ST3GAL4: variants seen among roughly 807,000 people sequenced by gnomAD.
The protein encoded by ST3GAL4 is CMP-N-acetylneuraminate-beta-galactosamide-alpha-2,3-sialyltransferase 4.
ST3GAL4 carries 24 observed loss-of-function variants against 42.6 expected under a neutral mutation model. The ratio of observed to expected loss-of-function variants is 0.56; its 90% CI spans 0.41 to 0.79. The LOEUF (loss-of-function observed/expected upper bound fraction) is 0.79. Ranked by LOEUF, ST3GAL4 falls within the 30% of genes least tolerant of loss-of-function variation. The probability of loss-of-function intolerance (pLI) is 0.00; values close to 1 mark genes in which losing one functional copy is unlikely to be tolerated. For synonymous variants in ST3GAL4, 135 were observed against 163.2 expected (o/e 0.83, Z 1.32); for missense variants, 311 against 430.8 (o/e 0.72, Z 2.46).
intron 1 of ST3GAL4, among the ~76,000 whole-genome samples, chr11:126,404,675 C>G (rs1334466199): frequency 6.6e-6 from 1 of 152,222 alleles, no homozygotes; most frequent in African/African-American, 2.4e-5. Context: ...TGATTACAAA[C>G]TGATCACTTT....
At chr11:126,375,660 C>T (rs1263024567) in intron 1 of ST3GAL4, among the ~76,000 whole-genome samples, 4 of 152,066 alleles carry the variant, frequency 2.6e-5, no homozygotes, top group South Asian at 2.1e-4. Context: ...CCCTTAGAAG[C>T]ATCTAGCACA....
At position 126,378,671 on chromosome 11, in the gene ST3GAL4, G is replaced by C. The variant is rs1168646695; in HGVS notation, c.-61+22829G>C. On this transcript the variant is annotated intron_variant, in intron 1 of 10. Transcript: ENST00000444328. This position sits in a 1 kb window ranked among gnomAD's most constrained non-coding sequence, Gnocchi z 5.3. ...ATCCACCCTCCTCGGCCCCCCAAAG[G>C]GATGACTGGTTTTCTTTCCAAATAT... Among the ~76,000 whole-genome samples, 1 of 152,068 alleles carries C rather than the reference G, an allele frequency of 6.6e-6. No homozygotes were observed. Among genetic ancestry groups the C allele is most frequent in the African/African-American group, 2.4e-5 (1 of 41,396 alleles).
In ST3GAL4 at chr11:126,414,153, C is replaced by A; in HGVS notation, c.*106C>A. On this transcript the variant is annotated 3_prime_UTR_variant, in exon 11 of 11. Coordinates refer to ENST00000444328, the MANE Select transcript of ST3GAL4 (RefSeq NM_001254757.2). The stretch of plus-strand genomic sequence containing the variant: ...GCCAGTATGACCCACTTGGACTCAC[C>A]CCCTCTTGGGGAGGGAGTTCTGGGC... The A allele has an allele frequency of 9.0e-7, 1 of 1,108,698 alleles. No individual in the cohort carries two copies. The allele number at this position is 1,108,698 out of a possible 1,614,324, so 68.7% of individuals were successfully genotyped here. A position where few individuals can be genotyped will look rare whatever the true frequency, so the allele number is the denominator to read the frequency against.
rs1162996532 is a variant in ST3GAL4 at position 126,383,025 on chromosome 11, C to T, written c.-60-23071C>T. On this transcript the variant is annotated intron_variant, in intron 1 of 10. Coordinates refer to ENST00000444328, the MANE Select transcript of ST3GAL4 (RefSeq NM_001254757.2). This position sits in a 1 kb window ranked among gnomAD's most constrained non-coding sequence, Gnocchi z 4.5. ...CAGGTGCAGAGAGGCTGAGACAGGC[C>T]CAGAGGACAGTGAGTGTGTGTTGTG... 6.6e-6 allele frequency among the ~76,000 whole-genome samples: 1 copy of T among 152,162 alleles called. No individual in the cohort carries two copies. The highest frequency in any genetic ancestry group is 1.5e-5 in the Non-Finnish European group (1 of 68,012).
chr11:126,370,745 C>T (rs968927796), intron 1 of ST3GAL4, among the ~76,000 whole-genome samples: 11 of 151,534 alleles, frequency 7.3e-5, no homozygotes, highest in South Asian at 4.2e-4. Flanking sequence ...GGCACGATCT[C>T]GGCTCACTGC....
chr11:126,402,917 C>T (rs10790801), intron 1 of ST3GAL4, among the ~76,000 whole-genome samples: 79,605 of 152,106 alleles, frequency 0.52, 21,464 homozygotes, highest in East Asian at 0.89. Context: ...CCCAGCAGGT[C>T]GGGTGAGCTG....
chr11:126,402,091 A>AGGGGGGGGGG (rs146212978), intron 1 of ST3GAL4, among the ~76,000 whole-genome samples: 3 of 131,660 alleles, frequency 2.3e-5, no homozygotes, highest in Admixed American at 8.0e-5. Context: ...ATTTGGGGGA[A>AGGGGGGGGGG]AGAGGGGAGG....
At position 126,414,100 on chromosome 11, in the gene ST3GAL4, C is replaced by CCCACAG; in HGVS notation, c.*56_*57insCAGCCA. On this transcript the variant is annotated 3_prime_UTR_variant, in exon 11 of 11. Transcript: ENST00000444328. ...TGCCTACTCTGCTGTCTGGGTGACCCCCATGCGTGGCTGTGGGGGTGGCTG... is the reference window on the plus strand; with the variant it reads ...TGCCTACTCTGCTGTCTGGGTGACCCCCACAGCCATGCGTGGCTGTGGGGGTGGCTG... The CCCACAG allele has an allele frequency of 6.3e-7, 1 of 1,582,244 alleles. No homozygotes were observed. The highest frequency in any genetic ancestry group is 8.7e-7 in the Non-Finnish European group (1 of 1,151,138).
chr11:126,414,156 C>T lies in ST3GAL4; in HGVS notation c.*109C>T, dbSNP rs201983960. 1.9e-6 allele frequency: 2 copies of T among 1,080,012 alleles called. No homozygotes were observed. The highest frequency in any genetic ancestry group is 1.8e-5 in the Admixed American group (1 of 54,394). 66.9% of individuals were successfully genotyped at this position (1,080,012 alleles called of 1,614,324 possible). On this transcript the variant is annotated 3_prime_UTR_variant, in exon 11 of 11. Coordinates refer to ENST00000444328, the MANE Select transcript of ST3GAL4 (RefSeq NM_001254757.2). ...AGTATGACCCACTTGGACTCACCCCCTCTTGGGGAGGGAGTTCTGGGCCTG... is the reference window on the plus strand; with the variant it reads ...AGTATGACCCACTTGGACTCACCCCTTCTTGGGGAGGGAGTTCTGGGCCTG...
chr11:126,389,333 A>AT (rs1448757263), intron 1 of ST3GAL4, among the ~76,000 whole-genome samples: 4 of 152,224 alleles, frequency 2.6e-5, no homozygotes, highest in South Asian at 2.1e-4. Flanking sequence ...ATGACGTTAG[A>AT]TTTTTTTCCT....
chr11:126,390,065 C>T (rs1348184168), intron 1 of ST3GAL4, among the ~76,000 whole-genome samples: 2 of 147,484 alleles, frequency 1.4e-5, no homozygotes, highest in Admixed American at 6.8e-5. Flanking sequence ...CGCCTGTAGT[C>T]CCAGCTACTT....
chr11:126,393,711 C>T lies in ST3GAL4; in HGVS notation c.-60-12385C>T, dbSNP rs1215026627. Among the ~76,000 whole-genome samples, 1 of 152,150 alleles carries T rather than the reference C, an allele frequency of 6.6e-6. No individual in the cohort carries two copies. The highest frequency in any genetic ancestry group is 1.5e-5 in the Non-Finnish European group (1 of 68,032). On this transcript the variant is annotated intron_variant, in intron 1 of 10. Transcript: ENST00000444328. This position sits in a 1 kb window ranked among gnomAD's most constrained non-coding sequence, Gnocchi z 5.9. The stretch of plus-strand genomic sequence containing the variant: ...TCAGGTCATAGGAAGTGTGAGCTAG[C>T]AGGAATCCTGGAGATTTTCTAGCCC...
At chr11:126,357,525 G>A (rs765849158) in intron 1 of ST3GAL4, among the ~76,000 whole-genome samples, 4 of 152,158 alleles carry the variant, frequency 2.6e-5, no homozygotes, top group Admixed American at 6.5e-5. Context: ...CCTTCCCTAC[G>A]GGAAGCAGTG....
At chr11:126,371,873 A>G (rs1449903669) in intron 1 of ST3GAL4, among the ~76,000 whole-genome samples, 1 of 152,240 alleles carries the variant, frequency 6.6e-6, no homozygotes, top group Non-Finnish European at 1.5e-5. Context: ...CTTTGTATCA[A>G]CTGGTACTCC....
rs917888450 is a variant in ST3GAL4, at chr11:126,414,461, G to A, written c.*414G>A. On this transcript the variant is annotated 3_prime_UTR_variant, in exon 11 of 11. Coordinates refer to ENST00000444328, the MANE Select transcript of ST3GAL4 (RefSeq NM_001254757.2). ...GATGGCCCCACCAAGGCCTAGACACGGCACTGGCCTCCCAGGAGGGCAGGG... is the reference window on the plus strand; with the variant it reads ...GATGGCCCCACCAAGGCCTAGACACAGCACTGGCCTCCCAGGAGGGCAGGG... The A allele has an allele frequency of 1.5e-5, 3 of 197,764 alleles. No individual in the cohort carries two copies. The East Asian group carries it at 3.8e-4, about 25-fold the overall frequency. 12.3% of individuals were successfully genotyped at this position (197,764 alleles called of 1,614,324 possible). A position where few individuals can be genotyped will look rare whatever the true frequency, so the allele number is the denominator to read the frequency against.
At chr11:126,402,096 G>GGGGGGC (rs1329112978) in intron 1 of ST3GAL4, among the ~76,000 whole-genome samples, 2 of 149,012 alleles carry the variant, frequency 1.3e-5, no homozygotes, top group African/African-American at 4.9e-5. Flanking sequence ...GGGGAAAGAG[G>GGGGGGC]GGAGGTAGGA....
chr11:126,414,115 G>T lies in ST3GAL4; in HGVS notation c.*68G>T. 1 of 1,525,482 alleles carries T rather than the reference G, an allele frequency of 6.6e-7. No individual in the cohort carries two copies. Among genetic ancestry groups the T allele is most frequent in the Admixed American group, 1.7e-5 (1 of 59,708 alleles). The allele number at this position is 1,525,482 out of a possible 1,614,324, so 94.5% of individuals were successfully genotyped here. A position where few individuals can be genotyped will look rare whatever the true frequency, so the allele number is the denominator to read the frequency against. ...CTGGGTGACCCCCATGCGTGGCTGT[G>T]GGGGTGGCTGGTGCCAGTATGACCC... On this transcript the variant is annotated 3_prime_UTR_variant, in exon 11 of 11. Coordinates refer to ENST00000444328, the MANE Select transcript of ST3GAL4 (RefSeq NM_001254757.2).
Position 126,378,717 on chromosome 11 carries a change from C to T in ST3GAL4, c.-61+22875C>T, listed in dbSNP as rs1952904022. Among the ~76,000 whole-genome samples, 1 of 152,128 alleles carries T rather than the reference C, an allele frequency of 6.6e-6. No individual in the cohort carries two copies. Among genetic ancestry groups the T allele is most frequent in the Non-Finnish European group, 1.5e-5 (1 of 68,028 alleles). ...AATATGACCTGAGCATTGATCTGTC[C>T]AATAAGCAAGACTGTTATGTACATT... On this transcript the variant is annotated intron_variant, in intron 1 of 10. Transcript: ENST00000444328. The surrounding 1 kb of genome is among the most constrained non-coding windows in gnomAD (Gnocchi z 5.3).
chr11:126,362,694 C>T (rs1334956813), intron 1 of ST3GAL4, among the ~76,000 whole-genome samples: 1 of 152,174 alleles, frequency 6.6e-6, no homozygotes, highest in Non-Finnish European at 1.5e-5. Context: ...CCTTTGTCCC[C>T]GTCCACTTAC....
Sources: allele counts gnomAD v4.1 joint callset (sites outside exome capture counted in the v4.1 genomes callset), GRCh38; gene constraint gnomAD v4.1.1; non-coding constraint Gnocchi (gnomAD v3.1); transcripts MANE v1.5; gene names NCBI Gene and HGNC (gene_info 2026-07-23, HGNC 2026-07-21).